ARPC1B: variants seen among roughly 807,000 people sequenced by gnomAD.
The protein encoded by ARPC1B is actin-related protein 2/3 complex subunit 1B.
ARPC1B carries 29 observed loss-of-function variants against 46.0 expected under a neutral mutation model. The observed-to-expected ratio is 0.63, with a 90% CI of 0.47 to 0.86. The LOEUF is 0.86. ARPC1B is among the 40% of genes least tolerant of loss of function. The pLI is 0.00. For synonymous variants in ARPC1B, 201 were observed against 213.9 expected (o/e 0.94, Z 0.53); for missense variants, 469 against 529.4 (o/e 0.89, Z 1.12).
intron 1 of ARPC1B, among the ~76,000 whole-genome samples, chr7:99,380,476 A>G (rs1241457722): frequency 6.6e-6 from 1 of 152,158 alleles, no homozygotes; most frequent in Admixed American, 6.6e-5. Flanking sequence ...CTGCTAATTC[A>G]TGCTGAAGTG....
chr7:99,391,086 G>T lies in ARPC1B; in HGVS notation c.694G>T (p.Asp232Tyr). ...HDSTVCLADA[D>Y]KKMAVATLAS... ...CAGCACCGTCTGCCTGGCTGATGCC[G>T]ACAAGAAGATGGCGTGAGTCGAGGC... The change falls in exon 6 of 10, where the codon GAC (aspartate) becomes TAC (tyrosine). Residue 232 changes from aspartate (D) to tyrosine (Y), a missense_variant. Physicochemically the swap from Asp to Tyr is radical, Grantham distance 160. Transcript: ENST00000646101. 6.2e-7 allele frequency: 1 copy of T among 1,613,446 alleles called. No homozygotes were observed. The highest frequency in any genetic ancestry group is 8.5e-7 in the Non-Finnish European group (1 of 1,179,662).
At chr7:99,393,473 T>A (rs1794647497) in intron 8 of ARPC1B, among the ~76,000 whole-genome samples, 1 of 152,044 alleles carries the variant, frequency 6.6e-6, no homozygotes. Flanking sequence ...GCGGGTCTAT[T>A]GCTAGCACTT....
rs115258218 is a variant in ARPC1B, at chr7:99,393,929, G to C, written c.990-100G>C. On this transcript the variant is annotated intron_variant, in intron 8 of 9. Coordinates refer to ENST00000646101, the MANE Select transcript of ARPC1B (RefSeq NM_005720.4). ...CACCCCCTCGGTACTTCTCACTAAA[G>C]CCCGCTCCCCAAGAAGTCTGGGAGC... 3,170 of 1,214,848 alleles carry C rather than the reference G, an allele frequency of 2.6e-3. 58 individuals carry two copies. The African/African-American group carries it at 0.039, about 15-fold the overall frequency. The allele number at this position is 1,214,848 out of a possible 1,614,324, so 75.3% of individuals were successfully genotyped here. A position where few individuals can be genotyped will look rare whatever the true frequency, so the allele number is the denominator to read the frequency against.
chr7:99,382,994 G>A lies in ARPC1B; in HGVS notation c.-13-2708G>A, dbSNP rs189086539. 3.1e-4 allele frequency among the ~76,000 whole-genome samples: 47 copies of A among 151,650 alleles called. 1 individual carries two copies. In the East Asian group the frequency reaches 4.3e-3, roughly 14 times the overall value. On this transcript the variant is annotated intron_variant, in intron 1 of 9. Coordinates refer to ENST00000646101, the MANE Select transcript of ARPC1B (RefSeq NM_005720.4). ...CAAGTAGCTGGGACTACAGGTGTGC[G>A]CCACCACGCCCAGCTAATTTTTGTA...
intron 1 of ARPC1B, among the ~76,000 whole-genome samples, chr7:99,378,499 T>C (rs1794098311): frequency 6.6e-6 from 1 of 151,188 alleles, no homozygotes; most frequent in South Asian, 2.1e-4. Context: ...TCCAACATGG[T>C]GAAACCCCAT....
At chr7:99,377,139 C>T (rs1440105573) in intron 1 of ARPC1B, among the ~76,000 whole-genome samples, 1 of 152,066 alleles carries the variant, frequency 6.6e-6, no homozygotes, top group Middle Eastern at 3.4e-3. Context: ...GCTGGGATTA[C>T]AGGTATGTTC....
intron 7 of ARPC1B, 62 bp downstream of exon 7, chr7:99,391,315 A>C: frequency 6.7e-7 from 1 of 1,495,158 alleles, no homozygotes; most frequent in East Asian, 2.3e-5. Context: ...AGAGCCCAGC[A>C]ACTCTCATCT....
At chr7:99,377,644 T>A (rs1297245249) in intron 1 of ARPC1B, among the ~76,000 whole-genome samples, 5 of 149,874 alleles carry the variant, frequency 3.3e-5, no homozygotes, top group East Asian at 2.1e-4. Context: ...TTTTTTTTTT[T>A]ATTTGGAGGT....
intron 1 of ARPC1B, among the ~76,000 whole-genome samples, chr7:99,381,323 CTGTG>C (rs1001329824): frequency 4.6e-4 from 70 of 152,216 alleles, no homozygotes; most frequent in African/African-American, 1.6e-3. Context: ...TGCAGTGTGC[CTGTG>C]TGTGAGGCTC....
At chr7:99,384,887 A>G (rs1433047578) in intron 1 of ARPC1B, among the ~76,000 whole-genome samples, 1 of 111,488 alleles carries the variant, frequency 9.0e-6, no homozygotes, top group East Asian at 2.6e-4. Flanking sequence ...TTCTGAGATG[A>G]GTCTTGCTCT....
chr7:99,374,419 C>T (rs1470416971), upstream of ARPC1B: 1 of 152,200 alleles, frequency 6.6e-6, no homozygotes, highest in African/African-American at 2.4e-5. This position sits in a 1 kb window ranked among gnomAD's most constrained non-coding sequence, Gnocchi z 5.0. Flanking sequence ...GCCCGGCAGT[C>T]CCCGGGGGCC....
intron 4 of ARPC1B, chr7:99,389,614 T>G: frequency 2.9e-6 from 1 of 339,964 alleles, no homozygotes; most frequent in Non-Finnish European, 5.5e-6. Context: ...CCATGGCCAG[T>G]TAGTAGTTGT....
chr7:99,378,319 T>C (rs556519115), intron 1 of ARPC1B, among the ~76,000 whole-genome samples: 1 of 151,668 alleles, frequency 6.6e-6, no homozygotes, highest in East Asian at 2.0e-4. Context: ...GTGATCCACC[T>C]GGCTTGGCCT....
chr7:99,387,519 C>T (rs1000649885), intron 3 of ARPC1B, among the ~76,000 whole-genome samples: 5 of 152,096 alleles, frequency 3.3e-5, no homozygotes, highest in African/African-American at 1.2e-4. Context: ...GGGCGGATCA[C>T]CTGAGGTCAG....
At chr7:99,389,682 C>T (rs1047420384) in intron 4 of ARPC1B, 2 of 532,194 alleles carry the variant, frequency 3.8e-6, no homozygotes, top group East Asian at 3.3e-5. Flanking sequence ...ACTGTGTGGC[C>T]TAAAGGATAG....
At chr7:99,378,697 AAAAG>A (rs1398329438) in intron 1 of ARPC1B, among the ~76,000 whole-genome samples, 2 of 151,966 alleles carry the variant, frequency 1.3e-5, no homozygotes, top group Non-Finnish European at 2.9e-5. Context: ...ATAAAAAAGA[AAAAG>A]AAAGAAAAAT....
intron 2 of ARPC1B, 99 bp downstream of exon 2, chr7:99,385,877 G>C: frequency 8.0e-7 from 1 of 1,253,510 alleles, no homozygotes. Context: ...CAGGCCCCCG[G>C]ACCATGGGCT....
chr7:99,391,473 G>C (rs1251766279), intron 7 of ARPC1B, among the ~76,000 whole-genome samples: 15 of 152,146 alleles, frequency 9.9e-5, no homozygotes, highest in Admixed American at 9.8e-4. Context: ...GGCCAGGTGC[G>C]GTGGCTCACA....
At chr7:99,379,473 G>C in intron 1 of ARPC1B, among the ~76,000 whole-genome samples, 1 of 152,114 alleles carries the variant, frequency 6.6e-6, no homozygotes, top group East Asian at 1.9e-4. Flanking sequence ...GGACTTCCCA[G>C]AGCGCCTGTA....
Sources: allele counts gnomAD v4.1 joint callset (sites outside exome capture counted in the v4.1 genomes callset), GRCh38; gene constraint gnomAD v4.1.1; non-coding constraint Gnocchi (gnomAD v3.1); transcripts MANE v1.5; gene names NCBI Gene and HGNC (gene_info 2026-07-23, HGNC 2026-07-21).